Variants in CTNNBIP1 observed in about 807,000 individuals in gnomAD.
CTNNBIP1 encodes the protein catenin beta interacting protein 1, also known as beta-catenin-interacting protein 1.
Under a neutral mutation model 11.8 loss-of-function variants are expected in CTNNBIP1, and 7 were observed. That is an observed-to-expected ratio of 0.60 (90% CI 0.34 to 1.12). The LOEUF (loss-of-function observed/expected upper bound fraction) is 1.12, where lower values mean the gene tolerates loss of function less well. CTNNBIP1 is among the 50% of genes most tolerant of loss of function. The pLI is 0.03. For synonymous variants in CTNNBIP1, 58 were observed against 43.9 expected (o/e 1.32, Z -1.26); for missense variants, 101 against 113.4 (o/e 0.89, Z 0.50).
chr1:9,864,223 G>C (rs1162232932), intron 5 of CTNNBIP1, among the ~76,000 whole-genome samples: 3 of 152,262 alleles, frequency 2.0e-5, no homozygotes, highest in African/African-American at 4.8e-5. Flanking sequence ...CAGCAGACCA[G>C]GGCATGGCCC....
intron 1 of CTNNBIP1, among the ~76,000 whole-genome samples, chr1:9,884,242 C>G (rs1370315284): frequency 6.6e-6 from 1 of 152,106 alleles, no homozygotes; most frequent in African/African-American, 2.4e-5. Context: ...TGGCTCCAGG[C>G]ACACTCCCCA....
chr1:9,869,280 G>A (rs1039118228), intron 5 of CTNNBIP1, among the ~76,000 whole-genome samples: 3 of 152,228 alleles, frequency 2.0e-5, no homozygotes, highest in Non-Finnish European at 4.4e-5. Context: ...GATGACAGGC[G>A]TGAGCCACTG....
intron 1 of CTNNBIP1, among the ~76,000 whole-genome samples, chr1:9,899,887 A>T (rs1557766856): frequency 1.3e-5 from 2 of 151,910 alleles, no homozygotes. Context: ...CAGCCTAGCC[A>T]ACATGGCAAA....
In CTNNBIP1 at chr1:9,881,586, G is replaced by A. The variant is rs181364973; in HGVS notation, c.-110+2119C>T. Among the ~76,000 whole-genome samples the A allele has an allele frequency of 7.5e-3, 1,145 of 152,012 alleles. 6 individuals carry two copies. The highest frequency in any genetic ancestry group is 0.013 in the Non-Finnish European group (884 of 67,982). ...ACTCCTGACCTCAGGTGATCCGCCCGCCTCAGTCTCCCAAAGTGCTGGGAT... is the reference window on the plus strand; with the variant it reads ...ACTCCTGACCTCAGGTGATCCGCCCACCTCAGTCTCCCAAAGTGCTGGGAT... On this transcript the variant is annotated intron_variant, in intron 2 of 5. Transcript: ENST00000377263.
In CTNNBIP1 at chr1:9,851,192, G is replaced by C. The variant is rs1044878540; in HGVS notation, c.188-416C>G. On this transcript the variant is annotated intron_variant, in intron 5 of 5. Transcript: ENST00000377263. This position sits in a 1 kb window ranked among gnomAD's most constrained non-coding sequence, Gnocchi z 4.8. ...GACTCGCGTCTTGATGCCTTCGGAG[G>C]GTCTGGCTCACTGTGGTTTTAAATA... Among the ~76,000 whole-genome samples, 6 of 152,066 alleles carry C rather than the reference G, an allele frequency of 3.9e-5. No homozygotes were observed. Among genetic ancestry groups the C allele is most frequent in the Non-Finnish European group, 8.8e-5 (6 of 68,032 alleles).
chr1:9,860,652 T>C (rs1638608158), intron 5 of CTNNBIP1, among the ~76,000 whole-genome samples: 1 of 148,996 alleles, frequency 6.7e-6, no homozygotes, highest in South Asian at 2.1e-4. Context: ...AGAATCAGGA[T>C]TCTTCCAGGC....
chr1:9,886,186 G>T (rs1356296608), intron 1 of CTNNBIP1, among the ~76,000 whole-genome samples: 2 of 152,180 alleles, frequency 1.3e-5, no homozygotes, highest in Non-Finnish European at 2.9e-5. Flanking sequence ...GAATGATAAG[G>T]GACAGAGAGG....
intron 1 of CTNNBIP1, among the ~76,000 whole-genome samples, chr1:9,900,007 G>C (rs940078445): frequency 6.6e-6 from 1 of 151,822 alleles, no homozygotes; most frequent in African/African-American, 2.4e-5. Flanking sequence ...CCAGGAGGCA[G>C]AGGTTGAAGT....
intron 1 of CTNNBIP1, among the ~76,000 whole-genome samples, chr1:9,888,459 G>A (rs149403061): frequency 0.017 from 2,531 of 151,948 alleles, 61 homozygotes; most frequent in African/African-American, 0.057. Context: ...GGCTGAGGCA[G>A]GAGAATCGCT....
At chr1:9,901,421 T>C (rs1447942517) in intron 1 of CTNNBIP1, among the ~76,000 whole-genome samples, 1 of 152,114 alleles carries the variant, frequency 6.6e-6, no homozygotes, top group African/African-American at 2.4e-5. Context: ...AGGTGTTTGA[T>C]CCACAAGGGA....
At chr1:9,876,983 C>T (rs12128766) in intron 3 of CTNNBIP1, among the ~76,000 whole-genome samples, 50,522 of 151,894 alleles carry the variant, frequency 0.33, 11,013 homozygotes, top group Non-Finnish European at 0.48. Flanking sequence ...GTCCACACAA[C>T]GGGAGAACTG....
chr1:9,873,892 C>T (rs778463628), intron 3 of CTNNBIP1, among the ~76,000 whole-genome samples: 71 of 152,222 alleles, frequency 4.7e-4, no homozygotes, highest in Non-Finnish European at 7.6e-4. Flanking sequence ...CACATCACCA[C>T]GCTTGGCTAA....
At chr1:9,902,059 A>G (rs1352704210) in intron 1 of CTNNBIP1, among the ~76,000 whole-genome samples, 4 of 152,044 alleles carry the variant, frequency 2.6e-5, no homozygotes, top group Non-Finnish European at 5.9e-5. Flanking sequence ...CTTTGAAGAG[A>G]GCTGAAGGCC....
intron 1 of CTNNBIP1, among the ~76,000 whole-genome samples, chr1:9,901,857 G>C (rs1230342273): frequency 6.6e-6 from 1 of 152,204 alleles, no homozygotes; most frequent in Non-Finnish European, 1.5e-5. Context: ...CACATACAGT[G>C]ACATGACAAG....
chr1:9,871,068 A>G lies in CTNNBIP1; in HGVS notation c.187+119T>C. ...GAGAGAGCTGTAGCCCCTCCTAGTCAGCCCTGGGTCTCATGGATCACCCAT... is the reference window on the plus strand; with the variant it reads ...GAGAGAGCTGTAGCCCCTCCTAGTCGGCCCTGGGTCTCATGGATCACCCAT... On this transcript the variant is annotated intron_variant, in intron 5 of 5. Coordinates refer to ENST00000377263, the MANE Select transcript of CTNNBIP1 (RefSeq NM_020248.3). The surrounding 1 kb of genome is among the most constrained non-coding windows in gnomAD (Gnocchi z 5.2). 1 of 720,916 alleles carries G rather than the reference A, an allele frequency of 1.4e-6. No homozygotes were observed. The highest frequency in any genetic ancestry group is 2.3e-6 in the Non-Finnish European group (1 of 442,718). The allele number at this position is 720,916 out of a possible 1,614,324, so 44.7% of individuals were successfully genotyped here.
Position 9,849,955 on chromosome 1 carries a change from G to A in CTNNBIP1, c.*763C>T, listed in dbSNP as rs1286988001. On this transcript the variant is annotated 3_prime_UTR_variant, in exon 6 of 6. Transcript: ENST00000377263. ...GGGGTCCCCTTGCTGGTGGAGGCAG[G>A]TGCACTCATTAAAGCAAATGTACTC... The A allele has an allele frequency of 6.6e-6, 1 of 152,358 alleles. No homozygotes were observed. The highest frequency in any genetic ancestry group is 1.5e-5 in the Non-Finnish European group (1 of 68,074). 9.4% of individuals were successfully genotyped at this position (152,358 alleles called of 1,614,324 possible).
chr1:9,875,267 C>G (rs111503938), intron 3 of CTNNBIP1, among the ~76,000 whole-genome samples: 2,394 of 152,322 alleles, frequency 0.016, 75 homozygotes, highest in African/African-American at 0.054. Context: ...GAGAGCCACC[C>G]CTGCCCAGGG....
At chr1:9,860,642 A>T (rs1638607883) in intron 5 of CTNNBIP1, among the ~76,000 whole-genome samples, 1 of 151,338 alleles carries the variant, frequency 6.6e-6, no homozygotes. Context: ...AAAAGAAAAA[A>T]GAATCAGGAT....
chr1:9,882,958 A>C (rs1639114213), intron 2 of CTNNBIP1, among the ~76,000 whole-genome samples: 1 of 152,140 alleles, frequency 6.6e-6, no homozygotes, highest in African/African-American at 2.4e-5. Flanking sequence ...CATCAGGGGC[A>C]CTTCTGGGGG....
Sources: allele counts gnomAD v4.1 joint callset (sites outside exome capture counted in the v4.1 genomes callset), GRCh38; gene constraint gnomAD v4.1.1; non-coding constraint Gnocchi (gnomAD v3.1); transcripts MANE v1.5; gene names NCBI Gene and HGNC (gene_info 2026-07-23, HGNC 2026-07-21).